ADAM23: variants seen among roughly 807,000 people sequenced by gnomAD.
ADAM23 encodes ADAM metallopeptidase domain 23, also known as disintegrin and metalloproteinase domain-containing protein 23.
In ADAM23, 33 loss-of-function variants were observed where a neutral mutation model predicts 120.1. The ratio of observed to expected loss-of-function variants is 0.27; its 90% CI spans 0.21 to 0.37. ADAM23 has a LOEUF of 0.37. Among genes scored for constraint, ADAM23 ranks in the 10% least tolerant of loss-of-function variants. The pLI is 1.00. For synonymous variants in ADAM23, 367 were observed against 375.2 expected (o/e 0.98, Z 0.25); for missense variants, 862 against 1,058.2 (o/e 0.81, Z 2.57).
chr2:206,505,022 C>T (rs1696468088), intron 3 of ADAM23, among the ~76,000 whole-genome samples: 2 of 152,140 alleles, frequency 1.3e-5, no homozygotes, highest in Non-Finnish European at 2.9e-5. Context: ...TCTTCAGTAC[C>T]AGATTTGATT....
intron 18 of ADAM23, among the ~76,000 whole-genome samples, chr2:206,578,289 G>T (rs531588126): frequency 2.8e-4 from 43 of 151,996 alleles, no homozygotes; most frequent in Middle Eastern, 3.4e-3. Context: ...TGAGATTTTG[G>T]TGCATCCATC....
At chr2:206,600,945 T>C (rs966558673) in intron 24 of ADAM23, among the ~76,000 whole-genome samples, 2 of 152,214 alleles carry the variant, frequency 1.3e-5, no homozygotes, top group Non-Finnish European at 2.9e-5. Flanking sequence ...ATTTTTAATT[T>C]TTTATATTTT....
intron 16 of ADAM23, among the ~76,000 whole-genome samples, 197 bp downstream of exon 16, chr2:206,571,008 T>C (rs1344739967): frequency 6.6e-6 from 1 of 152,248 alleles, no homozygotes; most frequent in East Asian, 1.9e-4. Context: ...ACCTAATAGA[T>C]TCTTCTAATT....
chr2:206,527,437 G>A (rs1460977275), intron 3 of ADAM23, among the ~76,000 whole-genome samples: 1 of 152,130 alleles, frequency 6.6e-6, no homozygotes, highest in Non-Finnish European at 1.5e-5. Flanking sequence ...CCTTTTTAGT[G>A]TTTCTTGTCC....
intron 18 of ADAM23, 125 bp from the exon 19 acceptor site, chr2:206,587,200 T>C (rs1019318434): frequency 1.3e-5 from 8 of 606,052 alleles, no homozygotes; most frequent in Non-Finnish European, 2.3e-5. Flanking sequence ...ATTTAAGGAG[T>C]TGCATGTGTT....
intron 25 of ADAM23, among the ~76,000 whole-genome samples, chr2:206,612,105 A>G (rs1390662299): frequency 6.6e-6 from 1 of 152,238 alleles, no homozygotes. Flanking sequence ...ATTCCAGAAC[A>G]TGTAACTTCA....
chr2:206,475,582 A>G (rs959793479), intron 2 of ADAM23, among the ~76,000 whole-genome samples: 2 of 151,610 alleles, frequency 1.3e-5, no homozygotes, highest in African/African-American at 2.4e-5. Context: ...TCGTATGAAA[A>G]GAAAAACATA....
intron 3 of ADAM23, among the ~76,000 whole-genome samples, chr2:206,524,597 A>G (rs111311632): frequency 6.6e-6 from 1 of 152,232 alleles, no homozygotes; most frequent in East Asian, 1.9e-4. Flanking sequence ...AGGCCCCACA[A>G]TCATGGTGGA....
At position 206,482,374 on chromosome 2, in the gene ADAM23, A is replaced by G. The variant is rs1332012558; in HGVS notation, c.509+1066A>G. 2.0e-5 allele frequency among the ~76,000 whole-genome samples: 3 copies of G among 152,206 alleles called. No individual in the cohort carries two copies. The South Asian group carries it at 6.2e-4, about 32-fold the overall frequency. ...CTGCCTAAGGGACTTGTCTTGCCAA[A>G]TCTTACACTATGTTGAGTGGCAAGA... On this transcript the variant is annotated intron_variant, in intron 3 of 25. Transcript: ENST00000264377.
At chr2:206,498,641 A>G (rs1462612062) in intron 3 of ADAM23, among the ~76,000 whole-genome samples, 1 of 152,228 alleles carries the variant, frequency 6.6e-6, no homozygotes, top group African/African-American at 2.4e-5. Flanking sequence ...AAAAGCCAAA[A>G]TTGACAAATG....
intron 1 of ADAM23, among the ~76,000 whole-genome samples, chr2:206,444,999 C>CT (rs1695049104): frequency 5.2e-5 from 1 of 19,070 alleles, no homozygotes; most frequent in African/African-American, 1.4e-4. Flanking sequence ...GTTCATTCTA[C>CT]CCCCCCCCCA....
chr2:206,587,242 C>A (rs1574550853), intron 18 of ADAM23, 83 bp from the exon 19 acceptor site: 4 of 951,126 alleles, frequency 4.2e-6, no homozygotes, highest in Non-Finnish European at 6.4e-6. Flanking sequence ...ATATATCCAC[C>A]ATGCTTGCAT....
At chr2:206,604,654 G>A (rs1250632969) in intron 24 of ADAM23, among the ~76,000 whole-genome samples, 1 of 152,114 alleles carries the variant, frequency 6.6e-6, no homozygotes, top group African/African-American at 2.4e-5. Flanking sequence ...AGATAAAGCA[G>A]TATACAGTTA....
At chr2:206,456,063 G>A (rs1274523480) in intron 2 of ADAM23, among the ~76,000 whole-genome samples, 1 of 151,968 alleles carries the variant, frequency 6.6e-6, no homozygotes, top group African/African-American at 2.4e-5. Context: ...TTCTGTATTA[G>A]TTCGTTCTCA....
chr2:206,534,602 A>C (rs1035636478), intron 4 of ADAM23, among the ~76,000 whole-genome samples: 2 of 152,146 alleles, frequency 1.3e-5, no homozygotes, highest in Admixed American at 6.5e-5. Context: ...TTAGCATTTC[A>C]GTTCTTATAA....
intron 8 of ADAM23, 63 bp from the exon 9 acceptor site, chr2:206,550,032 A>C (rs1267293493): frequency 1.0e-6 from 1 of 997,294 alleles, no homozygotes; most frequent in Non-Finnish European, 1.5e-6. Context: ...ACAACTTAAC[A>C]GTGAGCACTA....
intron 3 of ADAM23, among the ~76,000 whole-genome samples, chr2:206,490,723 C>T (rs1417004378): frequency 2.0e-5 from 3 of 152,106 alleles, no homozygotes; most frequent in Non-Finnish European, 4.4e-5. Context: ...CCACCCTTTC[C>T]TGTCTGCTTC....
At chr2:206,461,350 C>T (rs1450426753) in intron 2 of ADAM23, among the ~76,000 whole-genome samples, 2 of 152,074 alleles carry the variant, frequency 1.3e-5, no homozygotes, top group East Asian at 1.9e-4. Context: ...CGTGACCCAT[C>T]GCGTCTGGCT....
At chr2:206,528,793 C>T (rs149451438) in intron 3 of ADAM23, among the ~76,000 whole-genome samples, 2 of 152,168 alleles carry the variant, frequency 1.3e-5, no homozygotes, top group Non-Finnish European at 2.9e-5. Flanking sequence ...TGCTTTAGCC[C>T]TTCATTTTTG....
Sources: allele counts gnomAD v4.1 joint callset (sites outside exome capture counted in the v4.1 genomes callset), GRCh38; gene constraint gnomAD v4.1.1; transcripts MANE v1.5; gene names NCBI Gene and HGNC (gene_info 2026-07-23, HGNC 2026-07-21).